The following GPR180 variants were observed in gnomAD, a reference collection of about 807,000 sequenced individuals.
GPR180 encodes integral membrane protein GPR180.
In GPR180, 53 loss-of-function variants were observed where a neutral mutation model predicts 52.6. That is an observed-to-expected ratio of 1.01 (90% CI 0.81 to 1.27). GPR180 has a LOEUF of 1.27. Ranked by LOEUF, GPR180 falls within the 50% of genes most tolerant of loss-of-function variation. The pLI is 0.00. For synonymous variants in GPR180, 200 were observed against 193.1 expected, an observed-to-expected ratio of 1.04 and a Z score of -0.30; for missense variants, 533 against 527.0, an observed-to-expected ratio of 1.01 and a Z score of -0.11.
intron 5 of GPR180, among the ~76,000 whole-genome samples, chr13:94,620,284 C>T (rs1477095160): frequency 6.6e-6 from 1 of 152,100 alleles, no homozygotes; most frequent in Non-Finnish European, 1.5e-5. Context: ...AAGCCTAAAA[C>T]TCACATCAAA....
chr13:94,622,904 T>G (rs1889869834), intron 6 of GPR180, among the ~76,000 whole-genome samples: 1 of 152,208 alleles, frequency 6.6e-6, no homozygotes, highest in African/African-American at 2.4e-5. Flanking sequence ...ATCTCTTAAC[T>G]GTGGTCTCAC....
chr13:94,619,092 C>A, intron 3 of GPR180, 58 bp from the exon 4 acceptor site: 1 of 1,355,718 alleles, frequency 7.4e-7, no homozygotes, highest in Non-Finnish European at 1.0e-6. Flanking sequence ...TTGAAAGCAG[C>A]CCAATACGAT....
chr13:94,631,778 AGT>A lies in GPR180; in HGVS notation c.*4612_*4613del, dbSNP rs2138574776. ...TTTGTTCAATTGCATGGAACTTGGT[AGT>A]GTGTAAAAATCTTGACTAGTCAAGT... On this transcript the variant is annotated 3_prime_UTR_variant, in exon 9 of 9. Coordinates refer to ENST00000376958, the MANE Select transcript of GPR180 (RefSeq NM_180989.6). 2 of 152,002 alleles carry A rather than the reference AGT, an allele frequency of 1.3e-5. No homozygotes were observed. The highest frequency in any genetic ancestry group is 3.9e-4 in the East Asian group (2 of 5,176). The allele number at this position is 152,002 out of a possible 1,614,324, so 9.4% of individuals were successfully genotyped here.
rs1356434441 is a variant in GPR180 at position 94,632,181 on chromosome 13, A to C, written c.*5010A>C. ...AAATATTAAGTTATAAGTTATGTTC[A>C]GTAGCCTCAAAGAAGTATGCGAAAA... On this transcript the variant is annotated 3_prime_UTR_variant, in exon 9 of 9. Coordinates refer to ENST00000376958, the MANE Select transcript of GPR180 (RefSeq NM_180989.6). The C allele has an allele frequency of 2.6e-5, 4 of 152,224 alleles. No homozygotes were observed. Among genetic ancestry groups the C allele is most frequent in the African/African-American group, 9.6e-5 (4 of 41,466 alleles). 9.4% of individuals were successfully genotyped at this position (152,224 alleles called of 1,614,324 possible).
At chr13:94,622,965 CTG>C (rs1889870549) in intron 6 of GPR180, 142 bp from the exon 7 acceptor site, 2 of 607,160 alleles carry the variant, frequency 3.3e-6, no homozygotes, top group South Asian at 2.2e-5. Context: ...GATGAAAAGA[CTG>C]TACTTTATTA....
At chr13:94,618,928 C>T (rs1478876586) in intron 3 of GPR180, among the ~76,000 whole-genome samples, 1 of 152,074 alleles carries the variant, frequency 6.6e-6, no homozygotes, top group African/African-American at 2.4e-5. Flanking sequence ...ACAGATTGAC[C>T]TTAACTAGTT....
At chr13:94,618,420 A>ATTTTTTGTTTTTTTTTTTTTTTTT (rs1889806192) in intron 3 of GPR180, among the ~76,000 whole-genome samples, 1 of 87,156 alleles carries the variant, frequency 1.1e-5, no homozygotes, top group Non-Finnish European at 2.1e-5. Context: ...TCAGCACAGG[A>ATTTTTTGTTTTTTTTTTTTTTTTT]TTTTTTTTTT....
intron 5 of GPR180, among the ~76,000 whole-genome samples, chr13:94,620,647 C>CA (rs1211888044): frequency 6.6e-6 from 1 of 151,696 alleles, no homozygotes; most frequent in African/African-American, 2.4e-5. Context: ...GTTCAGCCAT[C>CA]AAAAAAAATT....
At chr13:94,607,710 T>C (rs1238625444) in intron 2 of GPR180, among the ~76,000 whole-genome samples, 1 of 152,184 alleles carries the variant, frequency 6.6e-6, no homozygotes, top group Non-Finnish European at 1.5e-5. Flanking sequence ...GTACTGTTGA[T>C]AGATCAGTGA....
intron 2 of GPR180, among the ~76,000 whole-genome samples, chr13:94,609,159 T>C (rs573327809): frequency 6.6e-6 from 1 of 152,342 alleles, no homozygotes; most frequent in Admixed American, 6.5e-5. Flanking sequence ...TTTTGTAGTT[T>C]GGTATATTTT....
At chr13:94,625,391 AT>A (rs1308164014) in intron 7 of GPR180, among the ~76,000 whole-genome samples, 1 of 152,150 alleles carries the variant, frequency 6.6e-6, no homozygotes, top group Non-Finnish European at 1.5e-5. Flanking sequence ...TGTACCAAAC[AT>A]TTCAACAGCT....
intron 2 of GPR180, 77 bp downstream of exon 2, chr13:94,605,626 C>T (rs1566975913): frequency 1.7e-6 from 2 of 1,200,908 alleles, no homozygotes; most frequent in African/African-American, 1.5e-5. Context: ...ACCATATGTA[C>T]ATATGTTATG....
rs1021791324 is a variant in GPR180 at position 94,621,238 on chromosome 13, G to A, written c.894+3G>A. On this transcript the variant is annotated splice_donor_region_variant and intron_variant, in intron 6 of 8. Coordinates refer to ENST00000376958, the MANE Select transcript of GPR180 (RefSeq NM_180989.6). ...CAGTATTCATTGTCATGACACAGGT[G>A]GGTATTGATACTCAGTGTTTCTGCT... 3 of 1,588,686 alleles carry A rather than the reference G, an allele frequency of 1.9e-6. No homozygotes were observed. The highest frequency in any genetic ancestry group is 2.6e-6 in the Non-Finnish European group (3 of 1,172,502).
At chr13:94,611,889 G>GAAA (rs112244645) in intron 2 of GPR180, among the ~76,000 whole-genome samples, 4 of 135,074 alleles carry the variant, frequency 3.0e-5, no homozygotes, top group African/African-American at 1.0e-4. Context: ...AAACCAAAAA[G>GAAA]AAAAAAAAAA....
chr13:94,604,991 TAA>T (rs1212754729), intron 1 of GPR180, among the ~76,000 whole-genome samples: 3 of 152,190 alleles, frequency 2.0e-5, no homozygotes, highest in African/African-American at 4.8e-5. Context: ...TTTTTTATAT[TAA>T]GAGTATAATT....
At chr13:94,622,663 T>C (rs1351829746) in intron 6 of GPR180, among the ~76,000 whole-genome samples, 1 of 152,202 alleles carries the variant, frequency 6.6e-6, no homozygotes, top group Non-Finnish European at 1.5e-5. Flanking sequence ...AACCTCCACC[T>C]CCTGGGTTCA....
rs1161197879 is a variant in GPR180, at chr13:94,633,114, G to C, written c.*5943G>C. 4 of 152,210 alleles carry C rather than the reference G, an allele frequency of 2.6e-5. No individual in the cohort carries two copies. The highest frequency in any genetic ancestry group is 5.9e-5 in the Non-Finnish European group (4 of 68,058). 9.4% of individuals were successfully genotyped at this position (152,210 alleles called of 1,614,324 possible). On this transcript the variant is annotated 3_prime_UTR_variant, in exon 9 of 9. Transcript: ENST00000376958. ...TACGCATAGCACTTTGCTGAGTTCT[G>C]TGAGTTGTTCTATTTAATTATAGAA...
At chr13:94,607,310 C>T (rs137992825) in intron 2 of GPR180, among the ~76,000 whole-genome samples, 3 of 152,334 alleles carry the variant, frequency 2.0e-5, no homozygotes, top group African/African-American at 7.2e-5. Context: ...CAGATTTGGT[C>T]ATGTTACATT....
At position 94,626,040 on chromosome 13, in the gene GPR180, C is replaced by T; in HGVS notation, c.1161C>T (p.Asp387=). 1.9e-6 allele frequency: 3 copies of T among 1,603,394 alleles called. No homozygotes were observed. The highest frequency in any genetic ancestry group is 2.6e-6 in the Non-Finnish European group (3 of 1,171,164). Residue 387 remains aspartate, a synonymous_variant, in exon 8 of 9, where the codon GAC becomes GAT. Coordinates refer to ENST00000376958, the MANE Select transcript of GPR180 (RefSeq NM_180989.6). ...ISVIFSDYQR[D]KVITIGVILC... is the part of the protein sequence containing the mutation. ...TCATTTTTAGCGACTACCAAAGAGA[C>T]AAGGTAAGAAATATACATGATCAAA...
Sources: allele counts gnomAD v4.1 joint callset (sites outside exome capture counted in the v4.1 genomes callset), GRCh38; gene constraint gnomAD v4.1.1; transcripts MANE v1.5; gene names NCBI Gene and HGNC (gene_info 2026-07-23, HGNC 2026-07-21).